Variants in WNT7B observed in about 807,000 individuals in gnomAD.
WNT7B encodes the protein protein Wnt-7b.
Under a neutral mutation model 38.2 loss-of-function variants are expected in WNT7B, and 19 were observed. The observed-to-expected ratio is 0.50, with a 90% CI of 0.35 to 0.73. The LOEUF (loss-of-function observed/expected upper bound fraction) is 0.73. Ranked by LOEUF, WNT7B falls within the 30% of genes least tolerant of loss-of-function variation. WNT7B has a pLI of 0.01. For missense variants in WNT7B, 423 were observed against 507.9 expected (o/e 0.83, Z 1.61); for synonymous variants, 243 against 209.3 (o/e 1.16, Z -1.39).
chr22:45,943,552 AGCAACT>A (rs754573117), intron 2 of WNT7B, among the ~76,000 whole-genome samples: 18 of 152,260 alleles, frequency 1.2e-4, no homozygotes, highest in Non-Finnish European at 2.2e-4. Flanking sequence ...TGGCAAAGCC[AGCAACT>A]GCCTGTGTGA....
In WNT7B at chr22:45,930,534, C is replaced by T. The variant is rs559332750; in HGVS notation, c.570+564G>A. On this transcript the variant is annotated intron_variant, in intron 3 of 3. Coordinates refer to ENST00000339464, the MANE Select transcript of WNT7B (RefSeq NM_058238.3). Reference sequence around the variant, plus strand: ...GCCCGGCTTGCTCTGACTTCTTCCCCGGTGTGTCCCTGCCTGAATTTCCTC... The same window carrying T: ...GCCCGGCTTGCTCTGACTTCTTCCCTGGTGTGTCCCTGCCTGAATTTCCTC... 1.7e-3 allele frequency among the ~76,000 whole-genome samples: 265 copies of T among 152,310 alleles called. 1 individual carries two copies. Among genetic ancestry groups the T allele is most frequent in the African/African-American group, 5.7e-3 (239 of 41,566 alleles).
At chr22:45,964,747 T>C (rs1217840149) in intron 1 of WNT7B, among the ~76,000 whole-genome samples, 1 of 152,124 alleles carries the variant, frequency 6.6e-6, no homozygotes, top group Non-Finnish European at 1.5e-5. Context: ...GCCATCAGAC[T>C]GACAGATTTG....
Position 45,951,833 on chromosome 22 carries a change from C to T in WNT7B, c.72-1687G>A, listed in dbSNP as rs115664792. On this transcript the variant is annotated intron_variant, in intron 1 of 3. Transcript: ENST00000339464. The surrounding 1 kb of genome is among the most constrained non-coding windows in gnomAD (Gnocchi z 4.8). ...ACCTTTGGACTACTGTGAGTGATGCCGCCATGAACGTGCGGGTAAGGTTTC... is the reference window on the plus strand; with the variant it reads ...ACCTTTGGACTACTGTGAGTGATGCTGCCATGAACGTGCGGGTAAGGTTTC... Among the ~76,000 whole-genome samples the T allele has an allele frequency of 0.011, 1,608 of 152,260 alleles. 21 individuals are homozygous for T. Among genetic ancestry groups the T allele is most frequent in the African/African-American group, 0.037 (1,540 of 41,518 alleles).
rs369386105 is a variant in WNT7B at position 45,974,920 on chromosome 22, C to T, written c.71+1764G>A. Among the ~76,000 whole-genome samples, 84 of 152,234 alleles carry T rather than the reference C, an allele frequency of 5.5e-4. 1 individual carries two copies. The East Asian group carries it at 9.5e-3, about 17-fold the overall frequency. ...AAGCCCTGGAAGCAGCCCCAGGAGC[C>T]GGGCTAGGGTGGACCGTCAGCTCCT... On this transcript the variant is annotated intron_variant, in intron 1 of 3. Transcript: ENST00000339464.
chr22:45,952,225 T>A (rs1034084492), intron 1 of WNT7B, among the ~76,000 whole-genome samples: 3 of 152,162 alleles, frequency 2.0e-5, no homozygotes, highest in African/African-American at 7.2e-5. Flanking sequence ...CCCGCCCTTT[T>A]CTTGAGGGAA....
intron 1 of WNT7B, among the ~76,000 whole-genome samples, chr22:45,974,935 C>A (rs1269245516): frequency 2.0e-5 from 3 of 152,126 alleles, no homozygotes; most frequent in Admixed American, 2.0e-4. Flanking sequence ...TAGGGTGGAC[C>A]GTCAGCTCCT....
chr22:45,952,528 G>A (rs911266241), intron 1 of WNT7B, among the ~76,000 whole-genome samples: 2 of 152,194 alleles, frequency 1.3e-5, no homozygotes, highest in Non-Finnish European at 2.9e-5. Context: ...TCGGAAAACC[G>A]AGCTGGGGAA....
At chr22:45,945,864 G>A (rs891828160) in intron 2 of WNT7B, among the ~76,000 whole-genome samples, 5 of 152,250 alleles carry the variant, frequency 3.3e-5, no homozygotes, top group African/African-American at 1.2e-4. Flanking sequence ...AAACAGGAGC[G>A]GGTGACAGCT....
intron 1 of WNT7B, among the ~76,000 whole-genome samples, chr22:45,957,603 G>A (rs1415640230): frequency 7.6e-6 from 1 of 131,262 alleles, no homozygotes; most frequent in Non-Finnish European, 1.6e-5. Context: ...AGAATTGCTT[G>A]AACCAGGAGG....
chr22:45,923,210 G>A lies in WNT7B; in HGVS notation c.696C>T (p.Tyr232=), dbSNP rs781712377. The part of the protein sequence containing the change: ...REVGHLLKEK[Y]NAAVQVEVVR... ...CCACCTCCACCTGCACGGCCGCGTTGTACTTCTCCTTCAGCAGGTGGCCCA... is the reference window on the plus strand; with the variant it reads ...CCACCTCCACCTGCACGGCCGCGTTATACTTCTCCTTCAGCAGGTGGCCCA... The change falls in exon 4 of 4, where the codon TAC becomes TAT. Residue 232 remains tyrosine, a synonymous_variant. Transcript: ENST00000339464. The A allele has an allele frequency of 1.2e-6, 2 of 1,613,030 alleles. No homozygotes were observed. Among genetic ancestry groups the A allele is most frequent in the African/African-American group, 2.7e-5 (2 of 74,948 alleles).
chr22:45,969,140 C>T (rs554845847), intron 1 of WNT7B, among the ~76,000 whole-genome samples: 5 of 152,338 alleles, frequency 3.3e-5, no homozygotes, highest in Admixed American at 6.5e-5. Context: ...TGGCTGGCAC[C>T]GCTGACAAAG....
chr22:45,955,888 T>C (rs1229591890), intron 1 of WNT7B, among the ~76,000 whole-genome samples: 1 of 152,168 alleles, frequency 6.6e-6, no homozygotes, highest in East Asian at 1.9e-4. Flanking sequence ...AGGAGCTTCC[T>C]GAGGTGCATC....
intron 3 of WNT7B, chr22:45,925,735 C>A (rs913274002): frequency 1.0e-6 from 1 of 985,300 alleles, no homozygotes; most frequent in Non-Finnish European, 1.2e-6. Flanking sequence ...CCAGGCCAGG[C>A]GCCACCCCAG....
At position 45,931,023 on chromosome 22, in the gene WNT7B, C is replaced by G; in HGVS notation, c.570+75G>C. ...TCAACTGCTTCTGCTAGAAGAGGAG[C>G]CTGAGGCTCCGAGAGGTCAGCGGGT... On this transcript the variant is annotated intron_variant, in intron 3 of 3. Coordinates refer to ENST00000339464, the MANE Select transcript of WNT7B (RefSeq NM_058238.3). The G allele has an allele frequency of 2.0e-6, 3 of 1,473,504 alleles. No individual in the cohort carries two copies. The South Asian group carries it at 4.2e-5, about 20-fold the overall frequency. The allele number at this position is 1,473,504 out of a possible 1,614,324, so 91.3% of individuals were successfully genotyped here.
At chr22:45,931,475 T>A (rs1222112991) in intron 2 of WNT7B, 106 bp from the exon 3 acceptor site, 3 of 1,344,818 alleles carry the variant, frequency 2.2e-6, no homozygotes, top group East Asian at 5.0e-5. Context: ...GCTGGTTGTG[T>A]GACCCTGGGC....
At chr22:45,925,553 T>C (rs1258873132) in intron 3 of WNT7B, 4 of 985,104 alleles carry the variant, frequency 4.1e-6, no homozygotes, top group African/African-American at 1.7e-5. Flanking sequence ...AGAGAGTATA[T>C]TGGGACCTCC....
chr22:45,926,534 T>G (rs1601714073), intron 3 of WNT7B: 3 of 985,262 alleles, frequency 3.0e-6, no homozygotes, highest in African/African-American at 3.5e-5. Context: ...CTAAAGTCCT[T>G]CCAGGGCGAG....
intron 2 of WNT7B, among the ~76,000 whole-genome samples, chr22:45,939,418 A>C (rs1931588374): frequency 6.6e-6 from 1 of 152,248 alleles, no homozygotes; most frequent in Non-Finnish European, 1.5e-5. Flanking sequence ...GGATAAAGAA[A>C]ATGTGTTCTA....
intron 1 of WNT7B, among the ~76,000 whole-genome samples, chr22:45,972,922 T>C (rs922024500): frequency 1.3e-5 from 2 of 152,264 alleles, no homozygotes; most frequent in Admixed American, 6.5e-5. Flanking sequence ...CAGGTGTGTG[T>C]GCACAGATGC....
Sources: gnomAD v4.1 joint callset for allele counts (sites outside exome capture counted in the v4.1 genomes callset) on GRCh38, gnomAD v4.1.1 for gene constraint, Gnocchi (gnomAD v3.1) non-coding constraint, MANE v1.5 for transcripts, NCBI Gene and HGNC (gene_info 2026-07-23, HGNC 2026-07-21) for gene names.